KIAA0319L: variants seen among roughly 807,000 people sequenced by gnomAD.
KIAA0319L encodes the protein KIAA0319 like, also known as dyslexia-associated protein KIAA0319-like protein.
In KIAA0319L, 55 loss-of-function variants were observed where a neutral mutation model predicts 120.1. The ratio of observed to expected loss-of-function variants is 0.46; its 90% CI spans 0.37 to 0.57. KIAA0319L has a LOEUF of 0.57. KIAA0319L is among the 20% of genes least tolerant of loss of function. KIAA0319L has a pLI of 0.00. For missense variants in KIAA0319L, 1,049 were observed against 1,255.3 expected (o/e 0.84, Z 2.48); for synonymous variants, 398 against 471.9 (o/e 0.84, Z 2.03).
chr1:35,454,714 T>C, intron 10 of KIAA0319L: 2 of 1,091,576 alleles, frequency 1.8e-6, no homozygotes, highest in Non-Finnish European at 2.4e-6. Flanking sequence ...AGCAGCAGTT[T>C]CAAATAAAGC....
Position 35,529,340 on chromosome 1 carries a change from G to C in KIAA0319L, c.143-22205C>G, listed in dbSNP as rs377067493. Among the ~76,000 whole-genome samples, 9 of 152,270 alleles carry C rather than the reference G, an allele frequency of 5.9e-5. No individual in the cohort carries two copies. The East Asian group carries it at 1.3e-3, about 23-fold the overall frequency. ...TCTTTTGTTCCTTTCTTATTGTTAT[G>C]GTTTGATGATAAAATGAGTGAGTCC... On this transcript the variant is annotated intron_variant, in intron 2 of 20. Coordinates refer to ENST00000325722, the MANE Select transcript of KIAA0319L (RefSeq NM_024874.5).
rs1198710657 is a variant in KIAA0319L, at chr1:35,484,806, AT to A, written c.667-5595del. Among the ~76,000 whole-genome samples, 257 of 86,218 alleles carry A rather than the reference AT, an allele frequency of 3.0e-3. 2 individuals carry two copies. Among genetic ancestry groups the A allele is most frequent in the Middle Eastern group, 5.5e-3 (1 of 182 alleles). 56.6% of individuals were successfully genotyped at this position (86,218 alleles called of 152,430 possible). On this transcript the variant is annotated intron_variant, in intron 3 of 20. Transcript: ENST00000325722. ...TATATATATATATATATATATATAT[AT>A]TTTTTTTTTTATTATACTCTAAGTT...
chr1:35,456,072 T>C lies in KIAA0319L; in HGVS notation c.1597A>G (p.Ile533Val), dbSNP rs1558321466. ...FGNQSTDDHG[I>V]TSYEWSLSPS... is the part of the protein sequence containing the mutation. ...CTGAGTGACCACTCATAGCTGGTGATGCCATGATCATCAGTGCTCTGGTTC... is the reference window on the plus strand; with the variant it reads ...CTGAGTGACCACTCATAGCTGGTGACGCCATGATCATCAGTGCTCTGGTTC... The change falls in exon 10 of 21, where the codon ATC becomes GTC. Residue 533 changes from isoleucine to valine, a missense_variant. Physicochemically the swap from Ile to Val is conservative, Grantham distance 29. Coordinates refer to ENST00000325722, the MANE Select transcript of KIAA0319L (RefSeq NM_024874.5). 1 of 1,614,130 alleles carries C rather than the reference T, an allele frequency of 6.2e-7. No homozygotes were observed. Among genetic ancestry groups the C allele is most frequent in the South Asian group, 1.1e-5 (1 of 91,082 alleles).
At chr1:35,485,644 C>T (rs1218858150) in intron 3 of KIAA0319L, among the ~76,000 whole-genome samples, 1 of 152,222 alleles carries the variant, frequency 6.6e-6, no homozygotes, top group Non-Finnish European at 1.5e-5. Context: ...CCACCATCTA[C>T]TCCAACAGGC....
intron 3 of KIAA0319L, among the ~76,000 whole-genome samples, chr1:35,487,451 C>T (rs979845266): frequency 3.3e-5 from 5 of 152,150 alleles, no homozygotes; most frequent in South Asian, 2.1e-4. Context: ...GACGGGGTTT[C>T]GCCATGTTGG....
Position 35,506,611 on chromosome 1 carries a change from C to T in KIAA0319L, c.666+1G>A. On this transcript the variant is annotated splice_donor_variant, in intron 3 of 20. Coordinates refer to ENST00000325722, the MANE Select transcript of KIAA0319L (RefSeq NM_024874.5). LOFTEE classifies it high-confidence loss of function. The surrounding 1 kb of genome is among the most constrained non-coding windows in gnomAD (Gnocchi z 4.0). ...CTGCTCCTTATTCATAGCATGCTTA[C>T]CTCTGCAGAGCCACTGGTAGTCAGA... The T allele has an allele frequency of 6.2e-7, 1 of 1,609,260 alleles. No homozygotes were observed. Among genetic ancestry groups the T allele is most frequent in the Non-Finnish European group, 8.5e-7 (1 of 1,177,436 alleles).
chr1:35,491,742 A>G (rs918987973), intron 3 of KIAA0319L, among the ~76,000 whole-genome samples: 4 of 152,220 alleles, frequency 2.6e-5, no homozygotes, highest in Admixed American at 1.3e-4. Flanking sequence ...AATCAGGAGA[A>G]ATGAGACAGC....
chr1:35,539,737 A>G (rs1331110834), intron 2 of KIAA0319L, among the ~76,000 whole-genome samples: 3 of 152,226 alleles, frequency 2.0e-5, no homozygotes, highest in Non-Finnish European at 1.5e-5. Context: ...CCCCACTTCC[A>G]TAAGCCTCCA....
chr1:35,524,419 T>C (rs2148451409), intron 2 of KIAA0319L, among the ~76,000 whole-genome samples: 2 of 152,330 alleles, frequency 1.3e-5, no homozygotes, highest in Middle Eastern at 6.8e-3. Context: ...GTCCAAGCTT[T>C]GTCAGGTGAC....
intron 2 of KIAA0319L, among the ~76,000 whole-genome samples, chr1:35,553,211 A>G (rs774876440): frequency 5.9e-5 from 9 of 151,936 alleles, no homozygotes; most frequent in Non-Finnish European, 1.2e-4. Context: ...AGCCTGGGTG[A>G]CAAGACCCCA....
chr1:35,514,362 AT>A (rs1198422119), intron 2 of KIAA0319L, among the ~76,000 whole-genome samples: 1 of 140,540 alleles, frequency 7.1e-6, no homozygotes, highest in Non-Finnish European at 1.5e-5. Flanking sequence ...GATGCTAGGG[AT>A]TAAAAAAAAA....
intron 20 of KIAA0319L, chr1:35,439,953 A>T (rs1641079083): frequency 6.6e-6 from 1 of 152,242 alleles, no homozygotes; most frequent in African/African-American, 2.4e-5. Flanking sequence ...TTGTGCTAGA[A>T]ATAGTAAGTC....
intron 15 of KIAA0319L, 34 bp from the exon 16 acceptor site, chr1:35,448,366 A>C: frequency 6.3e-7 from 1 of 1,598,882 alleles, no homozygotes; most frequent in Non-Finnish European, 8.5e-7. Context: ...TGGCTTTAGA[A>C]GTAGGAGAGT....
At chr1:35,536,535 A>T (rs1436730802) in intron 2 of KIAA0319L, among the ~76,000 whole-genome samples, 1 of 152,252 alleles carries the variant, frequency 6.6e-6, no homozygotes, top group Non-Finnish European at 1.5e-5. Flanking sequence ...AGTAATGATG[A>T]AAAAGGAAAA....
intron 7 of KIAA0319L, among the ~76,000 whole-genome samples, chr1:35,464,436 T>G (rs1643113672): frequency 6.6e-6 from 1 of 152,164 alleles, no homozygotes; most frequent in South Asian, 2.1e-4. Flanking sequence ...AACTTTGAAC[T>G]TGAGAGATGA....
chr1:35,444,263 G>A lies in KIAA0319L; in HGVS notation c.2554C>T (p.Gln852Ter), dbSNP rs1641448789. 1.2e-6 allele frequency: 2 copies of A among 1,608,936 alleles called. No individual in the cohort carries two copies. The highest frequency in any genetic ancestry group is 2.2e-5 in the East Asian group (1 of 44,584). ...GCCACCTCATGGCCTTTGAAGATCT[G>A]GTGGGGAGGCTCGTTTTGAACAAAA... is the stretch of plus-strand genomic sequence containing the variant. ...VFFVQNEPPH[Q>*]IFKGHEVAAM... Residue 852 changes from glutamine (Q) to a stop codon, truncating the protein, a stop_gained, in exon 17 of 21, where the codon CAG (glutamine) becomes TAG (stop). Coordinates refer to ENST00000325722, the MANE Select transcript of KIAA0319L (RefSeq NM_024874.5). LOFTEE classifies it high-confidence loss of function.
At chr1:35,444,139 C>T in intron 17 of KIAA0319L, 22 bp downstream of exon 17, 2 of 1,572,860 alleles carry the variant, frequency 1.3e-6, no homozygotes, top group South Asian at 1.2e-5. Flanking sequence ...GCTCTTGCTC[C>T]CAAATTCCCA....
intron 2 of KIAA0319L, among the ~76,000 whole-genome samples, chr1:35,546,288 A>T (rs1481386022): frequency 6.6e-6 from 1 of 152,222 alleles, no homozygotes; most frequent in African/African-American, 2.4e-5. Context: ...AGGACAAAAC[A>T]AAGCATGGTG....
At chr1:35,435,242 C>T in intron 20 of KIAA0319L, 161 bp from the exon 21 acceptor site, 1 of 650,414 alleles carries the variant, frequency 1.5e-6, no homozygotes, top group Non-Finnish European at 2.7e-6. Context: ...TAGTCCTTCT[C>T]CCGGGCCCAA....
Sources: gnomAD v4.1 joint callset for allele counts (sites outside exome capture counted in the v4.1 genomes callset) on GRCh38, gnomAD v4.1.1 for gene constraint, Gnocchi (gnomAD v3.1) non-coding constraint, MANE v1.5 for transcripts, NCBI Gene and HGNC (gene_info 2026-07-23, HGNC 2026-07-21) for gene names.